The following EXT2 variants were observed in gnomAD, a reference collection of about 807,000 sequenced individuals.
EXT2 encodes exostosin glycosyltransferase 2, also known as exostosin-2.
In EXT2, 53 loss-of-function variants were observed where a neutral mutation model predicts 81.6. The observed-to-expected ratio is 0.65, with a 90% confidence interval of 0.52 to 0.82. EXT2 has a LOEUF of 0.82. Among genes scored for constraint, EXT2 ranks in the 40% least tolerant of loss-of-function variants. The pLI, the probability that EXT2 is intolerant of heterozygous loss-of-function variation, is 0.00. For synonymous variants in EXT2, 320 were observed against 340.0 expected (o/e 0.94, Z 0.65); for missense variants, 774 against 910.2 (o/e 0.85, Z 1.93).
At chr11:44,125,590 G>A (rs1954389298) in intron 5 of EXT2, among the ~76,000 whole-genome samples, 1 of 152,120 alleles carries the variant, frequency 6.6e-6, no homozygotes, top group Non-Finnish European at 1.5e-5. Flanking sequence ...AGGGTATGGG[G>A]GCTAGGAAAT....
At position 44,167,399 on chromosome 11, in the gene EXT2, C is replaced by T. The variant is rs182533420; in HGVS notation, c.1174-4212C>T. ...CTGGTGAGAGGTTGGTATTCAAGGC[C>T]TGCCAAGGTAGAGGGGCCCTGGCAA... On this transcript the variant is annotated intron_variant, in intron 7 of 13. Coordinates refer to ENST00000533608, the MANE Select transcript of EXT2 (RefSeq NM_207122.2). Among the ~76,000 whole-genome samples, 34 of 152,260 alleles carry T rather than the reference C, an allele frequency of 2.2e-4. No homozygotes were observed. In the East Asian group the frequency reaches 2.3e-3, roughly 10 times the overall value.
intron 10 of EXT2, among the ~76,000 whole-genome samples, chr11:44,230,922 G>C (rs1407914101): frequency 2.6e-5 from 4 of 152,262 alleles, no homozygotes; most frequent in Non-Finnish European, 4.4e-5. Context: ...CAACACTTGT[G>C]TGTTGGGGAA....
chr11:44,222,242 A>G (rs1955789800), intron 10 of EXT2, among the ~76,000 whole-genome samples: 1 of 152,116 alleles, frequency 6.6e-6, no homozygotes, highest in Non-Finnish European at 1.5e-5. Context: ...GTGCTTGGAG[A>G]GGGAAGGAAG....
In EXT2 at chr11:44,214,108, T is replaced by C. The variant is rs1955685169; in HGVS notation, c.1662+7149T>C. 2.3e-5 allele frequency among the ~76,000 whole-genome samples: 2 copies of C among 88,798 alleles called. 1 individual carries two copies. Among genetic ancestry groups the C allele is most frequent in the South Asian group, 1.0e-3 (2 of 1,990 alleles). The allele number at this position is 88,798 out of a possible 152,430, so 58.3% of individuals were successfully genotyped here. ...AGACCATAGGTGATATTTGTAACTT[T>C]CTTCTTCTTCTTCTTCTTTTTTTTT... On this transcript the variant is annotated intron_variant, in intron 10 of 13. Transcript: ENST00000533608.
At chr11:44,177,215 T>C (rs1030080245) in intron 8 of EXT2, among the ~76,000 whole-genome samples, 2 of 152,226 alleles carry the variant, frequency 1.3e-5, no homozygotes, top group East Asian at 3.8e-4. Context: ...TTAGGGGAAG[T>C]GTGCATGTTT....
intron 1 of EXT2, among the ~76,000 whole-genome samples, chr11:44,101,165 A>T (rs943534380): frequency 3.9e-5 from 6 of 152,284 alleles, no homozygotes; most frequent in Admixed American, 3.9e-4. Flanking sequence ...GTATTGGTGG[A>T]CTATAAAGCT....
chr11:44,213,125 T>C (rs1282537281), intron 10 of EXT2, among the ~76,000 whole-genome samples: 2 of 152,030 alleles, frequency 1.3e-5, no homozygotes, highest in African/African-American at 4.8e-5. Context: ...ATTAAATGCT[T>C]ATATTATAAA....
intron 7 of EXT2, 39 bp from the exon 8 acceptor site, chr11:44,171,572 C>T (rs2135127424): frequency 6.2e-7 from 1 of 1,614,002 alleles, no homozygotes. Context: ...CCCACTCTGT[C>T]TCGCTTGCTC....
chr11:44,175,766 G>A (rs1299383279), intron 8 of EXT2, among the ~76,000 whole-genome samples: 3 of 152,142 alleles, frequency 2.0e-5, no homozygotes, highest in Non-Finnish European at 4.4e-5. Context: ...GGAAGATCTT[G>A]ACATATAAAG....
intron 4 of EXT2, among the ~76,000 whole-genome samples, chr11:44,117,798 C>A (rs1163032646): frequency 2.6e-5 from 4 of 152,270 alleles, no homozygotes; most frequent in Non-Finnish European, 5.9e-5. Context: ...CGCTCTGTCA[C>A]CCTGGAGTGC....
At chr11:44,192,907 C>T (rs1445459644) in intron 8 of EXT2, among the ~76,000 whole-genome samples, 2 of 152,170 alleles carry the variant, frequency 1.3e-5, no homozygotes, top group East Asian at 3.8e-4. Context: ...TAATTTTAGT[C>T]ATTTAAATGT....
At position 44,231,910 on chromosome 11, in the gene EXT2, A is replaced by G. The variant is rs118028440; in HGVS notation, c.1663-443A>G. ...TAAGAATGGTGTATGCTCAAGAGAAATAGATGCTTTTTTTTAATAAGAAAT... is the reference window on the plus strand; with the variant it reads ...TAAGAATGGTGTATGCTCAAGAGAAGTAGATGCTTTTTTTTAATAAGAAAT... On this transcript the variant is annotated intron_variant, in intron 10 of 13. Coordinates refer to ENST00000533608, the MANE Select transcript of EXT2 (RefSeq NM_207122.2). Among the ~76,000 whole-genome samples, 3 of 152,234 alleles carry G rather than the reference A, an allele frequency of 2.0e-5. No homozygotes were observed. In the East Asian group the frequency reaches 5.8e-4, roughly 30 times the overall value.
At chr11:44,224,493 A>G (rs1469798493) in intron 10 of EXT2, among the ~76,000 whole-genome samples, 1 of 152,140 alleles carries the variant, frequency 6.6e-6, no homozygotes, top group Admixed American at 6.6e-5. Flanking sequence ...AGTGACCCCA[A>G]ATCATTTTTT....
intron 8 of EXT2, among the ~76,000 whole-genome samples, chr11:44,175,088 C>T (rs1279963252): frequency 6.6e-6 from 1 of 152,192 alleles, no homozygotes; most frequent in African/African-American, 2.4e-5. Flanking sequence ...GGGTCAGTCT[C>T]ATCTTAGTGT....
At chr11:44,181,862 T>C (rs1005623243) in intron 8 of EXT2, among the ~76,000 whole-genome samples, 1 of 152,330 alleles carries the variant, frequency 6.6e-6, no homozygotes, top group East Asian at 1.9e-4. Flanking sequence ...CTGCTCTTAT[T>C]TGAGAGTGAA....
At position 44,108,083 on chromosome 11, in the gene EXT2, A is replaced by G. The variant is rs758285777; in HGVS notation, c.371A>G (p.Asn124Ser). ...GATGACTTTGGCGTCTCTGTCAGCA[A>G]CACCATCTCCCGGGAGTATAATGAA... ...YVDDFGVSVS[N>S]TISREYNELL... is the part of the protein sequence containing the mutation. The change falls in exon 2 of 14, where the codon AAC becomes AGC. Residue 124 changes from asparagine (N) to serine (S), a missense_variant. Coordinates refer to ENST00000533608, the MANE Select transcript of EXT2 (RefSeq NM_207122.2). 8.7e-6 allele frequency: 14 copies of G among 1,614,192 alleles called. No homozygotes were observed. Among genetic ancestry groups the G allele is most frequent in the Middle Eastern group, 1.6e-4 (1 of 6,062 alleles).
At chr11:44,125,266 A>G (rs1954383844) in intron 5 of EXT2, among the ~76,000 whole-genome samples, 1 of 152,216 alleles carries the variant, frequency 6.6e-6, no homozygotes, top group Non-Finnish European at 1.5e-5. Flanking sequence ...GACAAGCCAC[A>G]TGGACAAAGC....
Position 44,107,646 on chromosome 11 carries a change from A to G in EXT2, c.-30-37A>G. 1.3e-6 allele frequency: 2 copies of G among 1,577,578 alleles called. 1 individual carries two copies. The highest frequency in any genetic ancestry group is 2.3e-5 in the South Asian group (2 of 86,750). Reference sequence around the variant, plus strand: ...TTTCAAGTGTCATTTGCCATCCTAAATACTTGGTTTTTCTTATTTCTCTCC... The same window carrying G: ...TTTCAAGTGTCATTTGCCATCCTAAGTACTTGGTTTTTCTTATTTCTCTCC... On this transcript the variant is annotated intron_variant, in intron 1 of 13. Transcript: ENST00000533608.
At chr11:44,130,259 G>C (rs894069403) in intron 7 of EXT2, 121 bp downstream of exon 7, 4 of 758,188 alleles carry the variant, frequency 5.3e-6, no homozygotes, top group Non-Finnish European at 9.6e-6. Context: ...AGATCAACTA[G>C]CCAAACTGAA....
Sources: gnomAD v4.1 joint callset for allele counts (sites outside exome capture counted in the v4.1 genomes callset) on GRCh38, gnomAD v4.1.1 for gene constraint, MANE v1.5 for transcripts, NCBI Gene and HGNC (gene_info 2026-07-23, HGNC 2026-07-21) for gene names.